Variants in SLC16A7 observed in about 807,000 individuals in gnomAD.
SLC16A7 encodes the protein solute carrier family 16 member 7.
SLC16A7 carries 33 observed loss-of-function variants against 34.9 expected under a neutral mutation model. The observed-to-expected ratio is 0.94, with a 90% CI of 0.72 to 1.26. SLC16A7 has a LOEUF of 1.26. Among genes scored for constraint, SLC16A7 ranks in the 50% most tolerant of loss-of-function variants. SLC16A7 has a pLI of 0.00. For missense variants in SLC16A7, 573 were observed against 578.1 expected, an observed-to-expected ratio of 0.99 and a Z score of 0.09; for synonymous variants, 201 against 206.6, an observed-to-expected ratio of 0.97 and a Z score of 0.23.
At chr12:59,682,660 G>A (rs913822926) in intron 2 of SLC16A7, among the ~76,000 whole-genome samples, 1 of 152,144 alleles carries the variant, frequency 6.6e-6, no homozygotes, top group African/African-American at 2.4e-5. Flanking sequence ...AAGGATAGGT[G>A]TGATTTCATC....
In SLC16A7 at chr12:59,614,981, C is replaced by T. The variant is rs544346494; in HGVS notation, c.-130+18745C>T. Among the ~76,000 whole-genome samples the T allele has an allele frequency of 1.3e-4, 19 of 151,062 alleles. No homozygotes were observed. In the South Asian group the frequency reaches 1.3e-3, roughly 10 times the overall value. On this transcript the variant is annotated intron_variant, in intron 1 of 5. Transcript: ENST00000547379. ...TCGCACCACTGCACTCCAGCCTGGTCGACAGAGCAAGGATCCATCTCAAAA... is the reference window on the plus strand; with the variant it reads ...TCGCACCACTGCACTCCAGCCTGGTTGACAGAGCAAGGATCCATCTCAAAA...
At chr12:59,758,473 T>C (rs2137375773) in intron 3 of SLC16A7, among the ~76,000 whole-genome samples, 1 of 152,194 alleles carries the variant, frequency 6.6e-6, no homozygotes, top group African/African-American at 2.4e-5. Flanking sequence ...GTAGAATCTC[T>C]ACAACAGATA....
intron 1 of SLC16A7, among the ~76,000 whole-genome samples, chr12:59,607,601 A>G (rs1879004534): frequency 6.6e-6 from 1 of 152,158 alleles, no homozygotes. Context: ...AGTATTTTGC[A>G]TTGATGGCAG....
At chr12:59,711,048 G>T (rs1874169315) in intron 3 of SLC16A7, among the ~76,000 whole-genome samples, 1 of 152,176 alleles carries the variant, frequency 6.6e-6, no homozygotes, top group Non-Finnish European at 1.5e-5. Flanking sequence ...TTGACACTAG[G>T]AAGACTGCCA....
chr12:59,747,596 T>A (rs1879030620), intron 3 of SLC16A7, among the ~76,000 whole-genome samples: 1 of 152,190 alleles, frequency 6.6e-6, no homozygotes, highest in Non-Finnish European at 1.5e-5. Context: ...GGAGGCACCA[T>A]AAGTGAAAGG....
rs1277696349 is a variant in SLC16A7, at chr12:59,779,569, C to G, written c.1327C>G (p.Gln443Glu). ...GGAAAGGAAGGAGGAAAATGCAAGG[C>G]AGAAGACCAGAGAATCTGAACCCTT... Reference protein sequence around the residue: ...AKERKEENARQKTRESEPLSK... With the variant: ...AKERKEENAREKTRESEPLSK... The change falls in exon 6 of 6, where the codon CAG becomes GAG. Residue 443 changes from glutamine (Q) to glutamate (E), a missense_variant. Transcript: ENST00000547379. The G allele has an allele frequency of 6.2e-7, 1 of 1,612,158 alleles. No homozygotes were observed. The highest frequency in any genetic ancestry group is 8.5e-7 in the Non-Finnish European group (1 of 1,178,886).
chr12:59,656,905 A>G (rs1868565823), intron 2 of SLC16A7, among the ~76,000 whole-genome samples: 1 of 151,902 alleles, frequency 6.6e-6, no homozygotes, highest in Non-Finnish European at 1.5e-5. Context: ...TGGATCTTGG[A>G]GTGTTAGGTT....
At chr12:59,723,155 T>C (rs1266136324) in intron 3 of SLC16A7, among the ~76,000 whole-genome samples, 1 of 151,834 alleles carries the variant, frequency 6.6e-6, no homozygotes, top group Admixed American at 6.6e-5. Context: ...TAGTAGACAA[T>C]ATTTTTGAAG....
intron 2 of SLC16A7, among the ~76,000 whole-genome samples, chr12:59,671,142 A>G (rs1250235928): frequency 6.6e-6 from 1 of 152,054 alleles, no homozygotes; most frequent in Non-Finnish European, 1.5e-5. Flanking sequence ...TTCTTCTCTT[A>G]TGGTTTATTA....
At chr12:59,740,869 G>C (rs1199056636) in intron 3 of SLC16A7, among the ~76,000 whole-genome samples, 3 of 152,034 alleles carry the variant, frequency 2.0e-5, no homozygotes, top group Non-Finnish European at 4.4e-5. Context: ...AAAGTCTCAG[G>C]ATACAAAATC....
At chr12:59,678,986 C>A (rs1339119591) in intron 2 of SLC16A7, among the ~76,000 whole-genome samples, 1 of 152,196 alleles carries the variant, frequency 6.6e-6, no homozygotes, top group Non-Finnish European at 1.5e-5. Flanking sequence ...TGCAACAGTG[C>A]CCAGGCTTGG....
At chr12:59,643,174 A>G (rs1301301292) in intron 1 of SLC16A7, among the ~76,000 whole-genome samples, 1 of 152,098 alleles carries the variant, frequency 6.6e-6, no homozygotes, top group Non-Finnish European at 1.5e-5. Context: ...ACTCCAATGT[A>G]ATTATTCACA....
chr12:59,602,219 G>A (rs551080838), intron 1 of SLC16A7, among the ~76,000 whole-genome samples: 57 of 152,260 alleles, frequency 3.7e-4, no homozygotes, highest in African/African-American at 1.3e-3. Flanking sequence ...TTGAAACAAT[G>A]AGTTCTTTAT....
rs578042687 is a variant in SLC16A7 at position 59,756,122 on chromosome 12, T to A, written c.218-15097T>A. Among the ~76,000 whole-genome samples, 470 of 152,086 alleles carry A rather than the reference T, an allele frequency of 3.1e-3. 1 individual carries two copies. Among genetic ancestry groups the A allele is most frequent in the Non-Finnish European group, 5.0e-3 (338 of 67,956 alleles). ...AAAATTAATTCAAGATGGATTAAAG[T>A]CTTAAACGTTAGACCTAAAACCATA... On this transcript the variant is annotated intron_variant, in intron 3 of 5. Transcript: ENST00000547379.
At chr12:59,764,402 T>A (rs575865590) in intron 3 of SLC16A7, among the ~76,000 whole-genome samples, 1 of 152,284 alleles carries the variant, frequency 6.6e-6, no homozygotes, top group South Asian at 2.1e-4. Flanking sequence ...TACATATGTA[T>A]ACATGTGCCA....
intron 3 of SLC16A7, among the ~76,000 whole-genome samples, chr12:59,756,601 A>G (rs1480021448): frequency 6.6e-6 from 1 of 151,396 alleles, no homozygotes; most frequent in Admixed American, 6.6e-5. Context: ...AAAAGTCAGG[A>G]AACAACAGGT....
At chr12:59,717,402 T>G (rs1035978797) in intron 3 of SLC16A7, among the ~76,000 whole-genome samples, 1 of 152,212 alleles carries the variant, frequency 6.6e-6, no homozygotes, top group Non-Finnish European at 1.5e-5. Flanking sequence ...CAGAGTTAGT[T>G]TGGCACTTGC....
intron 1 of SLC16A7, among the ~76,000 whole-genome samples, chr12:59,651,186 T>C (rs986392226): frequency 3.9e-5 from 6 of 152,192 alleles, no homozygotes; most frequent in African/African-American, 1.2e-4. Flanking sequence ...TCAATGTTTA[T>C]TGATTTTTCT....
chr12:59,617,432 G>A (rs1879503719), intron 1 of SLC16A7, among the ~76,000 whole-genome samples: 2 of 151,898 alleles, frequency 1.3e-5, no homozygotes, highest in South Asian at 2.1e-4. Context: ...TTTTATGGAA[G>A]ACTATTTAGG....
Sources: allele counts gnomAD v4.1 joint callset (sites outside exome capture counted in the v4.1 genomes callset), GRCh38; gene constraint gnomAD v4.1.1; transcripts MANE v1.5; gene names NCBI Gene and HGNC (gene_info 2026-07-23, HGNC 2026-07-21).